LPCAT1: variants seen among roughly 807,000 people sequenced by gnomAD.
The protein encoded by LPCAT1 is 1-acylglycerol-3-phosphate O-acyltransferase.
In LPCAT1, 23 loss-of-function variants were observed where a neutral mutation model predicts 60.9. The observed-to-expected ratio is 0.38, with a 90% CI of 0.27 to 0.53. LPCAT1 has a LOEUF of 0.53. Ranked by LOEUF, LPCAT1 falls within the 20% of genes least tolerant of loss-of-function variation. The pLI, the probability that LPCAT1 is intolerant of heterozygous loss-of-function variation, is 0.82. For missense variants in LPCAT1, 622 were observed against 723.6 expected (o/e 0.86, Z 1.61); for synonymous variants, 340 against 301.1 (o/e 1.13, Z -1.34).
chr5:1,464,306 C>G (rs1734235172), intron 13 of LPCAT1, among the ~76,000 whole-genome samples: 1 of 152,154 alleles, frequency 6.6e-6, no homozygotes, highest in Non-Finnish European at 1.5e-5. Flanking sequence ...GTGCCTGGCT[C>G]TCATGTGAGC....
Position 1,521,495 on chromosome 5 carries a change from A to G in LPCAT1, c.135+2215T>C. 2.0e-6 allele frequency: 2 copies of G among 985,230 alleles called. No individual in the cohort carries two copies. The highest frequency in any genetic ancestry group is 2.4e-6 in the Non-Finnish European group (2 of 829,708). The allele number at this position is 985,230 out of a possible 1,614,324, so 61.0% of individuals were successfully genotyped here. On this transcript the variant is annotated intron_variant, in intron 1 of 13. Transcript: ENST00000283415. This position sits in a 1 kb window ranked among gnomAD's most constrained non-coding sequence, Gnocchi z 4.3. ...CTCTGTGGAAACTTTACAAGAATAT[A>G]TCACATCAAAGTAAAAGCTTTGCAA...
intron 5 of LPCAT1, among the ~76,000 whole-genome samples, chr5:1,485,984 T>C (rs1045303306): frequency 2.6e-5 from 4 of 152,190 alleles, no homozygotes; most frequent in African/African-American, 9.7e-5. Flanking sequence ...GCCTTCTCAC[T>C]GTCTTCGTTC....
Position 1,496,462 on chromosome 5 carries a change from T to C in LPCAT1, c.279-1548A>G, listed in dbSNP as rs149610717. Among the ~76,000 whole-genome samples the C allele has an allele frequency of 4.0e-4, 59 of 148,606 alleles. No individual in the cohort carries two copies. In the East Asian group the frequency reaches 8.6e-3, roughly 22 times the overall value. On this transcript the variant is annotated intron_variant, in intron 2 of 13. Coordinates refer to ENST00000283415, the MANE Select transcript of LPCAT1 (RefSeq NM_024830.5). This position sits in a 1 kb window ranked among gnomAD's most constrained non-coding sequence, Gnocchi z 4.7. ...AAAAACAAAAGCCAAAAGACAGCAA[T>C]TGATGCCTAAGATGGAAGAAACAAG... is the stretch of plus-strand genomic sequence containing the variant.
At chr5:1,493,430 C>CA (rs1318856476) in intron 3 of LPCAT1, among the ~76,000 whole-genome samples, 2 of 152,276 alleles carry the variant, frequency 1.3e-5, no homozygotes, top group African/African-American at 4.8e-5. Context: ...TGTGTCCCCC[C>CA]AGATATTTTC....
chr5:1,509,653 A>G (rs1244874109), intron 1 of LPCAT1, among the ~76,000 whole-genome samples: 1 of 152,150 alleles, frequency 6.6e-6, no homozygotes, highest in Non-Finnish European at 1.5e-5. Context: ...GCAGCAGGAA[A>G]CGCCCTCCTT....
At chr5:1,505,793 T>C (rs1265793992) in intron 1 of LPCAT1, among the ~76,000 whole-genome samples, 1 of 152,188 alleles carries the variant, frequency 6.6e-6, no homozygotes, top group Non-Finnish European at 1.5e-5. Flanking sequence ...CACACGTCCA[T>C]GCATCCATGC....
At chr5:1,489,192 G>C (rs1735479011) in intron 4 of LPCAT1, among the ~76,000 whole-genome samples, 1 of 152,252 alleles carries the variant, frequency 6.6e-6, no homozygotes, top group South Asian at 2.1e-4. Context: ...AGCCCTCTAA[G>C]GGGCTGCCCC....
Position 1,523,881 on chromosome 5 carries a change from C to T in LPCAT1, c.-37G>A, listed in dbSNP as rs866163557. On this transcript the variant is annotated 5_prime_UTR_variant, in exon 1 of 14. Transcript: ENST00000283415. The surrounding 1 kb of genome is among the most constrained non-coding windows in gnomAD (Gnocchi z 7.1). Reference sequence around the variant, plus strand: ...CCCGCGGCGAGCGCAGCCGAGCTGCCTGGGGCGCCGAGCGGGGCCGGGGCT... The same window carrying T: ...CCCGCGGCGAGCGCAGCCGAGCTGCTTGGGGCGCCGAGCGGGGCCGGGGCT... 1.2e-3 allele frequency: 1,259 copies of T among 1,031,746 alleles called. 6 individuals are homozygous for T. In the Middle Eastern group the frequency reaches 0.016, roughly 13 times the overall value. 63.9% of individuals were successfully genotyped at this position (1,031,746 alleles called of 1,614,324 possible).
At chr5:1,470,492 GGA>G (rs1452348457) in intron 12 of LPCAT1, among the ~76,000 whole-genome samples, 2 of 152,202 alleles carry the variant, frequency 1.3e-5, no homozygotes, top group Non-Finnish European at 2.9e-5. Context: ...AGTCTGAGGG[GGA>G]GAGAGGACAA....
intron 1 of LPCAT1, among the ~76,000 whole-genome samples, chr5:1,509,973 C>T (rs536047539): frequency 2.6e-5 from 4 of 152,310 alleles, no homozygotes; most frequent in East Asian, 1.9e-4. Flanking sequence ...ATCACGGGGA[C>T]GGTTTCATTG....
chr5:1,514,834 C>T (rs1407045639), intron 1 of LPCAT1, among the ~76,000 whole-genome samples: 1 of 152,206 alleles, frequency 6.6e-6, no homozygotes, highest in Admixed American at 6.5e-5. Context: ...AGGACCTTCA[C>T]ACATACCAGC....
intron 2 of LPCAT1, among the ~76,000 whole-genome samples, chr5:1,498,713 T>C (rs1735894860): frequency 6.6e-6 from 1 of 152,002 alleles, no homozygotes; most frequent in Non-Finnish European, 1.5e-5. Flanking sequence ...GTGCACACGA[T>C]ACAGACATCC....
rs375592308 is a variant in LPCAT1, at chr5:1,523,557, G to A, written c.135+153C>T. Among the ~76,000 whole-genome samples the A allele has an allele frequency of 6.0e-5, 9 of 150,184 alleles. No individual in the cohort carries two copies. The highest frequency in any genetic ancestry group is 2.2e-4 in the African/African-American group (9 of 41,158). On this transcript the variant is annotated intron_variant, in intron 1 of 13. Transcript: ENST00000283415. The surrounding 1 kb of genome is among the most constrained non-coding windows in gnomAD (Gnocchi z 7.1). ...GGTGCGGGCGGCGGGGACGCGAACT[G>A]AGGGGCGGCCGCGGGGAGGGAAGGC... is the stretch of plus-strand genomic sequence containing the variant.
intron 1 of LPCAT1, among the ~76,000 whole-genome samples, chr5:1,520,860 C>CAAAAAAAAAAAAAAAAAGAAAAAAAA (rs1736651378): frequency 2.4e-5 from 2 of 82,046 alleles, no homozygotes; most frequent in Non-Finnish European, 4.6e-5. Context: ...GAGACTGTCT[C>CAAAAAAAAAAAAAAAAAGAAAAAAAA]AAAAAAAAAA....
intron 1 of LPCAT1, among the ~76,000 whole-genome samples, chr5:1,507,574 T>G (rs941890045): frequency 6.6e-6 from 1 of 152,006 alleles, no homozygotes; most frequent in Non-Finnish European, 1.5e-5. Context: ...AATGCAGAGA[T>G]GAAGATGGGA....
intron 11 of LPCAT1, among the ~76,000 whole-genome samples, chr5:1,472,333 T>A (rs1024814128): frequency 6.6e-6 from 1 of 152,122 alleles, no homozygotes; most frequent in African/African-American, 2.4e-5. Flanking sequence ...CTGTAGGTGC[T>A]AGGGGTGAGA....
Position 1,523,820 on chromosome 5 carries a change from G to C in LPCAT1, c.25C>G (p.Arg9Gly). The C allele has an allele frequency of 9.2e-7, 1 of 1,085,708 alleles. No homozygotes were observed. The highest frequency in any genetic ancestry group is 1.1e-6 in the Non-Finnish European group (1 of 894,824). 67.3% of individuals were successfully genotyped at this position (1,085,708 alleles called of 1,614,324 possible). MRLRGCGP[R>G]AAPASSAGAS... The stretch of plus-strand genomic sequence containing the variant: ...CCTGCGCTGGAGGCAGGGGCGGCCC[G>C]GGGTCCGCATCCCCGCAGCCTCATG... Residue 9 changes from arginine (R) to glycine (G), a missense_variant, in exon 1 of 14, where the codon CGG becomes GGG. This residue lies in a region of LPCAT1 where 125 missense variants were observed against 114.5 expected (regional missense o/e 1.09). Transcript: ENST00000283415. The surrounding 1 kb of genome is among the most constrained non-coding windows in gnomAD (Gnocchi z 7.1).
chr5:1,517,299 G>A (rs1736533821), intron 1 of LPCAT1, among the ~76,000 whole-genome samples: 1 of 152,166 alleles, frequency 6.6e-6, no homozygotes, highest in African/African-American at 2.4e-5. Context: ...AACAGGAAGA[G>A]GAAGGTCAGG....
Position 1,483,309 on chromosome 5 carries a change from G to A in LPCAT1, c.726+119C>T. On this transcript the variant is annotated intron_variant, in intron 6 of 13. Transcript: ENST00000283415. This position sits in a 1 kb window ranked among gnomAD's most constrained non-coding sequence, Gnocchi z 9.2. ...GGATGGACTCAGCATGGCCAAGTGT[G>A]GGCTGTGGCGCAGATAAAGGGTGTG... The A allele has an allele frequency of 9.0e-7, 1 of 1,114,964 alleles. No individual in the cohort carries two copies. The highest frequency in any genetic ancestry group is 1.4e-6 in the Non-Finnish European group (1 of 733,118). The allele number at this position is 1,114,964 out of a possible 1,614,324, so 69.1% of individuals were successfully genotyped here.
Sources: gnomAD v4.1 joint callset for allele counts (sites outside exome capture counted in the v4.1 genomes callset) on GRCh38, gnomAD v4.1.1 for gene constraint, gnomAD v4.1.1 regional missense constraint, Gnocchi (gnomAD v3.1) non-coding constraint, MANE v1.5 for transcripts, NCBI Gene and HGNC (gene_info 2026-07-23, HGNC 2026-07-21) for gene names.